The following PDSS2 variants were observed in gnomAD, a reference collection of about 807,000 sequenced individuals.
The protein encoded by PDSS2 is decaprenyl diphosphate synthase subunit 2.
Under a neutral mutation model 44.5 loss-of-function variants are expected in PDSS2, and 31 were observed. That is an observed-to-expected ratio of 0.70 (90% confidence interval 0.52 to 0.94). The LOEUF is 0.94. PDSS2 is among the 40% of genes least tolerant of loss of function. The pLI, the probability that PDSS2 is intolerant of heterozygous loss-of-function variation, is 0.00. For missense variants in PDSS2, 452 were observed against 482.2 expected, an observed-to-expected ratio of 0.94 and a Z score of 0.59; for synonymous variants, 157 against 180.3, an observed-to-expected ratio of 0.87 and a Z score of 1.03.
chr6:107,411,152 C>A (rs1011645820), intron 1 of PDSS2, among the ~76,000 whole-genome samples: 1 of 152,162 alleles, frequency 6.6e-6, no homozygotes, highest in Non-Finnish European at 1.5e-5. Flanking sequence ...TCCCAAAGTG[C>A]TGGGATTACA....
chr6:107,379,790 T>C (rs1325722554), intron 1 of PDSS2, among the ~76,000 whole-genome samples: 1 of 152,152 alleles, frequency 6.6e-6, no homozygotes, highest in Non-Finnish European at 1.5e-5. Flanking sequence ...ATATTTTCTA[T>C]ACAGCATGAA....
chr6:107,257,956 A>G (rs1478662579), intron 3 of PDSS2, among the ~76,000 whole-genome samples: 1 of 152,160 alleles, frequency 6.6e-6, no homozygotes, highest in African/African-American at 2.4e-5. Context: ...GCTTCATGCA[A>G]TGCACACACA....
chr6:107,387,626 T>G (rs1779650555), intron 1 of PDSS2, among the ~76,000 whole-genome samples: 3 of 152,176 alleles, frequency 2.0e-5, no homozygotes. Flanking sequence ...ACATGAACAT[T>G]AAAATAATAC....
intron 2 of PDSS2, among the ~76,000 whole-genome samples, chr6:107,284,585 C>T (rs550827086): frequency 2.0e-5 from 3 of 149,958 alleles, no homozygotes; most frequent in East Asian, 2.0e-4. Flanking sequence ...CACTTGAACC[C>T]GGGAGGAGGA....
intron 4 of PDSS2, among the ~76,000 whole-genome samples, chr6:107,219,857 A>T (rs1773540949): frequency 6.6e-6 from 1 of 152,206 alleles, no homozygotes; most frequent in African/African-American, 2.4e-5. Flanking sequence ...TTGCATTATT[A>T]AGTAGATGTG....
chr6:107,274,798 G>A (rs953679574), intron 2 of PDSS2, among the ~76,000 whole-genome samples: 4 of 148,758 alleles, frequency 2.7e-5, no homozygotes, highest in African/African-American at 5.0e-5. Flanking sequence ...TCAGCCTCCC[G>A]AGTAGCTGGG....
intron 1 of PDSS2, among the ~76,000 whole-genome samples, chr6:107,429,950 GAA>G (rs2114748387): frequency 1.1e-5 from 1 of 90,846 alleles, no homozygotes; most frequent in Admixed American, 1.3e-4. Context: ...ACCAAACCCA[GAA>G]AGAAAGATTT....
intron 7 of PDSS2, chr6:107,192,214 C>A (rs192724392): frequency 1.4e-5 from 4 of 295,194 alleles, no homozygotes; most frequent in African/African-American, 9.0e-5. Context: ...CATCTAAGAC[C>A]GAGTGGCAGA....
chr6:107,441,816 C>T (rs1287512970), intron 1 of PDSS2, among the ~76,000 whole-genome samples: 2 of 152,132 alleles, frequency 1.3e-5, no homozygotes, highest in African/African-American at 4.8e-5. Context: ...GCATGAAATA[C>T]AGTAGCTTAC....
intron 1 of PDSS2, among the ~76,000 whole-genome samples, chr6:107,380,658 A>G (rs1451198072): frequency 6.6e-6 from 1 of 152,162 alleles, no homozygotes; most frequent in Non-Finnish European, 1.5e-5. Flanking sequence ...GTCAATTATC[A>G]TCCAACTAAT....
intron 6 of PDSS2, among the ~76,000 whole-genome samples, chr6:107,208,320 A>G (rs1190733104): frequency 2.0e-5 from 2 of 101,812 alleles, no homozygotes; most frequent in Non-Finnish European, 3.7e-5. Context: ...TTTTTTAAAG[A>G]CAGTCTCACT....
chr6:107,407,629 G>T (rs1017931877), intron 1 of PDSS2, among the ~76,000 whole-genome samples: 5 of 152,150 alleles, frequency 3.3e-5, no homozygotes, highest in African/African-American at 9.7e-5. Flanking sequence ...AATTTTAGAA[G>T]AATTATAGGA....
chr6:107,294,384 G>A (rs917532386), intron 2 of PDSS2, among the ~76,000 whole-genome samples: 38 of 151,896 alleles, frequency 2.5e-4, no homozygotes, highest in Admixed American at 2.0e-3. Context: ...TATAAAAGTT[G>A]AGAAATTCCT....
intron 2 of PDSS2, among the ~76,000 whole-genome samples, chr6:107,325,821 T>C (rs1011553925): frequency 2.0e-5 from 3 of 152,256 alleles, no homozygotes; most frequent in Non-Finnish European, 2.9e-5. Context: ...GTCATGTATG[T>C]TGTAAACATT....
chr6:107,452,457 C>T (rs1455261083), intron 1 of PDSS2, among the ~76,000 whole-genome samples: 2 of 152,034 alleles, frequency 1.3e-5, no homozygotes, highest in Non-Finnish European at 2.9e-5. Flanking sequence ...GCCTCAAACT[C>T]CTAGCCTCAA....
At chr6:107,254,560 T>A (rs984548175) in intron 3 of PDSS2, among the ~76,000 whole-genome samples, 4 of 152,174 alleles carry the variant, frequency 2.6e-5, no homozygotes, top group African/African-American at 9.7e-5. Context: ...TCCCCCAGTA[T>A]GGGAATTGCT....
chr6:107,432,665 T>C lies in PDSS2; in HGVS notation c.296+26325A>G, dbSNP rs1321141473. ...GTGGTGCACGCCTGTGGCTGAGGCA[T>C]GACAATCGCTTGAACCCAGGAGGTG... On this transcript the variant is annotated intron_variant, in intron 1 of 7. Transcript: ENST00000369037. Among the ~76,000 whole-genome samples the C allele has an allele frequency of 3.3e-5, 5 of 152,014 alleles. 1 individual carries two copies. In the East Asian group the frequency reaches 7.7e-4, roughly 24 times the overall value.
intron 2 of PDSS2, among the ~76,000 whole-genome samples, chr6:107,292,772 G>C (rs921700138): frequency 1.3e-5 from 2 of 152,198 alleles, no homozygotes; most frequent in African/African-American, 4.8e-5. Flanking sequence ...TTATGAGGAG[G>C]AGGAGGGGCA....
intron 3 of PDSS2, among the ~76,000 whole-genome samples, chr6:107,263,240 G>A (rs1196404811): frequency 6.6e-6 from 1 of 152,014 alleles, no homozygotes; most frequent in Non-Finnish European, 1.5e-5. Context: ...ATCACCTGAG[G>A]TCTGGAGTTC....
Sources: allele counts gnomAD v4.1 joint callset (sites outside exome capture counted in the v4.1 genomes callset), GRCh38; gene constraint gnomAD v4.1.1; transcripts MANE v1.5; gene names NCBI Gene and HGNC (gene_info 2026-07-23, HGNC 2026-07-21).